SIPA1L3: variants seen among roughly 807,000 people sequenced by gnomAD.
SIPA1L3 encodes the protein signal induced proliferation associated 1 like 3, also known as signal-induced proliferation-associated 1-like protein 3.
SIPA1L3 carries 59 observed loss-of-function variants against 150.1 expected under a neutral mutation model. The observed-to-expected ratio is 0.39, with a 90% CI of 0.32 to 0.49. The LOEUF (loss-of-function observed/expected upper bound fraction) is 0.49. Ranked by LOEUF, SIPA1L3 falls within the 20% of genes least tolerant of loss-of-function variation. The pLI is 0.86. For missense variants in SIPA1L3, 2,211 were observed against 2,489.5 expected, an observed-to-expected ratio of 0.89 and a Z score of 2.38; for synonymous variants, 1,070 against 1,077.6, an observed-to-expected ratio of 0.99 and a Z score of 0.14.
intron 18 of SIPA1L3, among the ~76,000 whole-genome samples, chr19:38,196,479 G>A (rs936537498): frequency 6.3e-5 from 9 of 142,088 alleles, no homozygotes; most frequent in Admixed American, 1.4e-4. Flanking sequence ...CAAGGGCAGA[G>A]TGTGGATGTC....
intron 7 of SIPA1L3, among the ~76,000 whole-genome samples, chr19:38,107,720 T>G (rs1477777517): frequency 6.6e-6 from 1 of 152,234 alleles, no homozygotes; most frequent in Non-Finnish European, 1.5e-5. Flanking sequence ...CTCATGCCTG[T>G]GATCCCAGCA....
intron 1 of SIPA1L3, among the ~76,000 whole-genome samples, chr19:37,916,425 A>C (rs2046415244): frequency 6.6e-6 from 1 of 150,630 alleles, no homozygotes; most frequent in Non-Finnish European, 1.5e-5. Flanking sequence ...ACTTGAGCCC[A>C]GGCACTACCA....
At chr19:37,969,907 G>A (rs771833249) in intron 1 of SIPA1L3, among the ~76,000 whole-genome samples, 6 of 152,112 alleles carry the variant, frequency 3.9e-5, no homozygotes, top group Admixed American at 3.3e-4. Context: ...TTAATTACAC[G>A]TTATGTTTGT....
chr19:38,159,707 C>T (rs1257062014), intron 13 of SIPA1L3, among the ~76,000 whole-genome samples: 1 of 152,262 alleles, frequency 6.6e-6, no homozygotes, highest in African/African-American at 2.4e-5. Flanking sequence ...AGCTGCTTAA[C>T]CTCTCCGAGT....
intron 1 of SIPA1L3, among the ~76,000 whole-genome samples, chr19:37,970,467 G>A (rs904006644): frequency 6.6e-6 from 1 of 152,186 alleles, no homozygotes; most frequent in Non-Finnish European, 1.5e-5. Flanking sequence ...CTCCCATGCT[G>A]CAGATACCGT....
chr19:38,151,164 C>A (rs1971814043), intron 12 of SIPA1L3, among the ~76,000 whole-genome samples: 1 of 152,170 alleles, frequency 6.6e-6, no homozygotes, highest in Admixed American at 6.5e-5. Flanking sequence ...AAAGAGAGGC[C>A]ATCTTTTCTT....
At chr19:38,201,798 C>A in intron 19 of SIPA1L3, 64 bp from the exon 20 acceptor site, 2 of 1,525,890 alleles carry the variant, frequency 1.3e-6, no homozygotes, top group Non-Finnish European at 1.8e-6. Context: ...GAGGCGTGGT[C>A]CGTCTGTTGC....
In SIPA1L3 at chr19:38,083,017, G is replaced by A; in HGVS notation, c.1452G>A (p.Arg484=). The A allele has an allele frequency of 6.2e-7, 1 of 1,613,328 alleles. No individual in the cohort carries two copies. Among genetic ancestry groups the A allele is most frequent in the Non-Finnish European group, 8.5e-7 (1 of 1,180,024 alleles). ...SVLEVPKEQQ[R]TQSRPRQYSI... ...TGGAAGTTCCCAAGGAGCAGCAGCG[G>A]ACGCAGAGTCGGCCCCGGCAGTACA... Residue 484 remains arginine, a synonymous_variant, in exon 3 of 22, where the codon CGG becomes CGA. Coordinates refer to ENST00000222345, the MANE Select transcript of SIPA1L3 (RefSeq NM_015073.3).
At chr19:38,117,662 C>T (rs555103471) in intron 8 of SIPA1L3, among the ~76,000 whole-genome samples, 167 of 151,868 alleles carry the variant, frequency 1.1e-3, no homozygotes, top group Non-Finnish European at 1.9e-3. Flanking sequence ...CCTCCTGCTG[C>T]GGGGTGGGGA....
At chr19:38,172,902 G>T (rs892161813) in intron 15 of SIPA1L3, among the ~76,000 whole-genome samples, 5 of 152,128 alleles carry the variant, frequency 3.3e-5, no homozygotes, top group African/African-American at 4.8e-5. Context: ...TTGAGCCCAG[G>T]AGTTCAAGAC....
At chr19:38,010,359 A>C (rs910748273) in intron 1 of SIPA1L3, among the ~76,000 whole-genome samples, 4 of 151,838 alleles carry the variant, frequency 2.6e-5, no homozygotes, top group African/African-American at 9.7e-5. Flanking sequence ...AGTAAGCTAA[A>C]ATCAAGTCAC....
Position 38,182,136 on chromosome 19 carries a change from C to CAAAAAAAAAAAA in SIPA1L3, c.4209-381_4209-370dup, listed in dbSNP as rs4006822. Among the ~76,000 whole-genome samples, 10 of 130,110 alleles carry CAAAAAAAAAAAA rather than the reference C, an allele frequency of 7.7e-5. 1 individual carries two copies. Among genetic ancestry groups the CAAAAAAAAAAAA allele is most frequent in the African/African-American group, 2.6e-4 (8 of 30,366 alleles). The allele number at this position is 130,110 out of a possible 152,430, so 85.4% of individuals were successfully genotyped here. Reference sequence around the variant, plus strand: ...AGCCTGGGTGACTGAGACCCTGTCTCAAAAAAAAAAAAAGAAAGGTTAGGA... The same window carrying CAAAAAAAAAAAA: ...AGCCTGGGTGACTGAGACCCTGTCTCAAAAAAAAAAAAAAAAAAAAAAAAAGAAAGGTTAGGA... On this transcript the variant is annotated intron_variant, in intron 15 of 21. Coordinates refer to ENST00000222345, the MANE Select transcript of SIPA1L3 (RefSeq NM_015073.3).
intron 13 of SIPA1L3, among the ~76,000 whole-genome samples, chr19:38,154,329 T>C (rs1157875437): frequency 1.3e-5 from 2 of 152,250 alleles, no homozygotes; most frequent in African/African-American, 4.8e-5. Context: ...CCTAGAGCAG[T>C]GTTGCTAGGA....
chr19:38,110,776 A>G (rs1386712873), intron 8 of SIPA1L3, among the ~76,000 whole-genome samples: 2 of 152,064 alleles, frequency 1.3e-5, no homozygotes, highest in Non-Finnish European at 2.9e-5. Flanking sequence ...ACCAGCTGCA[A>G]ATCCCCCAAA....
chr19:38,115,587 CCTG>C (rs1205692963), intron 8 of SIPA1L3, among the ~76,000 whole-genome samples: 1 of 152,204 alleles, frequency 6.6e-6, no homozygotes, highest in Non-Finnish European at 1.5e-5. Context: ...CTCATGGCCT[CCTG>C]CTCCTTGCCT....
chr19:38,187,574 G>A (rs1277987705), intron 16 of SIPA1L3, among the ~76,000 whole-genome samples: 23 of 150,664 alleles, frequency 1.5e-4, no homozygotes, highest in African/African-American at 3.7e-4. Flanking sequence ...AAAATTAGCC[G>A]GGCGAGGTGG....
intron 13 of SIPA1L3, among the ~76,000 whole-genome samples, chr19:38,159,204 G>C (rs1299184231): frequency 6.6e-6 from 1 of 152,236 alleles, no homozygotes; most frequent in Non-Finnish European, 1.5e-5. Flanking sequence ...ACTGAGACTA[G>C]ACCACATCCA....
intron 15 of SIPA1L3, among the ~76,000 whole-genome samples, chr19:38,182,171 A>C (rs986148003): frequency 6.6e-6 from 1 of 151,116 alleles, no homozygotes; most frequent in Non-Finnish European, 1.5e-5. Flanking sequence ...AAGGAAATAG[A>C]GCAAACTGTA....
intron 1 of SIPA1L3, among the ~76,000 whole-genome samples, chr19:37,918,564 C>T (rs923008024): frequency 1.3e-5 from 2 of 151,936 alleles, no homozygotes; most frequent in African/African-American, 4.8e-5. Context: ...AGCCTGAAAG[C>T]TCATTTCTAA....
Sources: gnomAD v4.1 joint callset for allele counts (sites outside exome capture counted in the v4.1 genomes callset) on GRCh38, gnomAD v4.1.1 for gene constraint, MANE v1.5 for transcripts, NCBI Gene and HGNC (gene_info 2026-07-23, HGNC 2026-07-21) for gene names.